CASTOR2: variants seen among roughly 807,000 people sequenced by gnomAD.
The protein encoded by CASTOR2 is cytosolic arginine sensor for mTORC1 subunit 2.
In CASTOR2, 8 loss-of-function variants were observed where a neutral mutation model predicts 31.2. That is an observed-to-expected ratio of 0.26 (90% CI 0.15 to 0.46). CASTOR2 has a LOEUF of 0.46. Ranked by LOEUF, CASTOR2 falls within the 20% of genes least tolerant of loss-of-function variation. The probability of loss-of-function intolerance (pLI) is 0.99; values close to 1 mark genes in which losing one functional copy is unlikely to be tolerated. For missense variants in CASTOR2, 216 were observed against 382.1 expected, an observed-to-expected ratio of 0.57 and a Z score of 3.62; for synonymous variants, 162 against 158.7, an observed-to-expected ratio of 1.02 and a Z score of -0.16.
At chr7:75,001,866 T>A (rs1222743582) in intron 1 of CASTOR2, among the ~76,000 whole-genome samples, 3 of 152,168 alleles carry the variant, frequency 2.0e-5, no homozygotes, top group Non-Finnish European at 4.4e-5. Flanking sequence ...GGATGGGTTG[T>A]GCACTGCACA....
In CASTOR2 at chr7:75,026,393, A is replaced by C. The variant is rs1805133535; in HGVS notation, c.*1694A>C. ...TTTAATAGAGACGGGATTTCGTAAC[A>C]TTGCTCAGGCTGGTCTTGAACTCCT... On this transcript the variant is annotated 3_prime_UTR_variant, in exon 9 of 9. Coordinates refer to ENST00000616305, the MANE Select transcript of CASTOR2 (RefSeq NM_001145064.3). Among the ~76,000 whole-genome samples the C allele has an allele frequency of 6.6e-6, 1 of 151,344 alleles. No individual in the cohort carries two copies. The highest frequency in any genetic ancestry group is 2.1e-4 in the South Asian group (1 of 4,770).
At chr7:74,988,424 G>A (rs1383567888) in intron 1 of CASTOR2, among the ~76,000 whole-genome samples, 3 of 151,766 alleles carry the variant, frequency 2.0e-5, no homozygotes, top group African/African-American at 4.8e-5. Context: ...CAGCCTCCCG[G>A]GTAGCTGGGA....
At chr7:74,998,058 T>C (rs1554438080) in intron 1 of CASTOR2, among the ~76,000 whole-genome samples, 1 of 152,138 alleles carries the variant, frequency 6.6e-6, no homozygotes, top group East Asian at 1.9e-4. Flanking sequence ...TGCTGAGTCA[T>C]GGGGCGTATG....
intron 4 of CASTOR2, 92 bp from the exon 5 acceptor site, chr7:75,018,880 G>T: frequency 1.3e-6 from 2 of 1,546,980 alleles, no homozygotes; most frequent in South Asian, 2.4e-5. Flanking sequence ...CTGCAGCTGA[G>T]CCCTCCCCAG....
chr7:75,019,221 TC>T (rs1314218892), intron 5 of CASTOR2, 126 bp downstream of exon 5: 5 of 1,492,150 alleles, frequency 3.4e-6, no homozygotes, highest in Middle Eastern at 2.3e-4. Context: ...ACACAGACCT[TC>T]CCTGGAGCTA....
In CASTOR2 at chr7:75,009,531, A is replaced by G. The variant is rs1554439132; in HGVS notation, c.184+1467A>G. Among the ~76,000 whole-genome samples, 199 of 151,530 alleles carry G rather than the reference A, an allele frequency of 1.3e-3. No individual in the cohort carries two copies. The South Asian group carries it at 0.014, about 10-fold the overall frequency. On this transcript the variant is annotated intron_variant, in intron 2 of 8. Transcript: ENST00000616305. ...GATCCACCCACCTCGGCCTCCCAAA[A>G]TGCTGGGATTACAGGCGTGAGCCAC...
At chr7:75,015,594 T>C (rs1289683680) in intron 2 of CASTOR2, among the ~76,000 whole-genome samples, 1 of 152,100 alleles carries the variant, frequency 6.6e-6, no homozygotes, top group Non-Finnish European at 1.5e-5. Flanking sequence ...CCTCTCTTTT[T>C]AGCCCCCTAT....
chr7:75,023,168 C>T (rs966865336), intron 7 of CASTOR2, among the ~76,000 whole-genome samples: 12 of 151,994 alleles, frequency 7.9e-5, no homozygotes, highest in African/African-American at 1.9e-4. Context: ...ATTAGCCGGT[C>T]GTGGTGGCAG....
chr7:74,990,818 G>A (rs1245667680), intron 1 of CASTOR2, among the ~76,000 whole-genome samples: 1 of 152,212 alleles, frequency 6.6e-6, no homozygotes, highest in Non-Finnish European at 1.5e-5. Context: ...TCGTGCCACT[G>A]TACTCCAGCC....
intron 1 of CASTOR2, among the ~76,000 whole-genome samples, chr7:75,006,078 T>C (rs1224781960): frequency 6.6e-6 from 1 of 152,166 alleles, no homozygotes; most frequent in African/African-American, 2.4e-5. Context: ...TGCAGTGAGC[T>C]GAGATCATGC....
chr7:75,018,748 A>G (rs1438849177), intron 4 of CASTOR2, among the ~76,000 whole-genome samples: 1 of 152,234 alleles, frequency 6.6e-6, no homozygotes, highest in East Asian at 1.9e-4. Context: ...TGGGAAGGGC[A>G]TCCCAGGCAG....
At chr7:74,978,349 C>T (rs1554435987) in intron 1 of CASTOR2, among the ~76,000 whole-genome samples, 2 of 136,916 alleles carry the variant, frequency 1.5e-5, no homozygotes, top group East Asian at 4.4e-4. Flanking sequence ...AGTGATCCAC[C>T]AGCCTCGGCC....
chr7:75,005,040 A>AT (rs1306232501), intron 1 of CASTOR2, among the ~76,000 whole-genome samples: 2 of 147,384 alleles, frequency 1.4e-5, no homozygotes, highest in African/African-American at 2.5e-5. Context: ...TAATTTTTGC[A>AT]TTTTTTTGTA....
chr7:75,011,573 A>G (rs1804745898), intron 2 of CASTOR2, among the ~76,000 whole-genome samples: 1 of 151,884 alleles, frequency 6.6e-6, no homozygotes, highest in Non-Finnish European at 1.5e-5. Flanking sequence ...TATCTACTAA[A>G]AATACAAAAA....
intron 1 of CASTOR2, among the ~76,000 whole-genome samples, chr7:74,991,139 T>C (rs1238319283): frequency 2.0e-5 from 3 of 151,554 alleles, no homozygotes; most frequent in Non-Finnish European, 2.9e-5. Flanking sequence ...CACACTATAG[T>C]TGGGCGAGCT....
chr7:75,021,751 C>T lies in CASTOR2; in HGVS notation c.747-123C>T, dbSNP rs1004613267. The T allele has an allele frequency of 9.0e-5, 108 of 1,202,842 alleles. No individual in the cohort carries two copies. In the African/African-American group the frequency reaches 1.4e-3, roughly 15 times the overall value. 74.5% of individuals were successfully genotyped at this position (1,202,842 alleles called of 1,614,324 possible). On this transcript the variant is annotated intron_variant, in intron 6 of 8. Transcript: ENST00000616305. ...CTGGAAGGGATTGTTTTTGGGGGGC[C>T]CTGAGGTCTGCCCAACCCTGCCTGG...
Position 75,018,982 on chromosome 7 carries a change from A to G in CASTOR2, c.522A>G (p.Pro174=). Residue 174 remains proline, a synonymous_variant, in exon 5 of 9, where the codon CCA becomes CCG. Transcript: ENST00000616305. The part of the protein sequence containing the change: ...GFVKPKLVQR[P]VIHPLSSPSN... ...TTTGTGCTCTTACAGTCCAGAGGCC[A>G]GTCATCCACCCACTGTCCAGCCCGA... 6.4e-7 allele frequency: 1 copy of G among 1,552,020 alleles called. No individual in the cohort carries two copies. The highest frequency in any genetic ancestry group is 2.4e-5 in the East Asian group (1 of 40,924).
intron 2 of CASTOR2, among the ~76,000 whole-genome samples, chr7:75,011,257 C>A (rs587748408): frequency 6.6e-6 from 1 of 151,780 alleles, no homozygotes; most frequent in South Asian, 2.1e-4. Flanking sequence ...GGTGAAACCC[C>A]GTCTCTACTA....
intron 7 of CASTOR2, among the ~76,000 whole-genome samples, chr7:75,023,812 G>A (rs1457891300): frequency 6.6e-6 from 1 of 152,172 alleles, no homozygotes; most frequent in Non-Finnish European, 1.5e-5. Flanking sequence ...AGAGGATGAG[G>A]CTAAACCATT....
Sources: allele counts gnomAD v4.1 joint callset (sites outside exome capture counted in the v4.1 genomes callset), GRCh38; gene constraint gnomAD v4.1.1; transcripts MANE v1.5; gene names NCBI Gene and HGNC (gene_info 2026-07-23, HGNC 2026-07-21).